The following ADAMTSL3 variants were observed in gnomAD, a reference collection of about 807,000 sequenced individuals.
ADAMTSL3 encodes the protein ADAMTS like 3.
In ADAMTSL3, 128 loss-of-function variants were observed where a neutral mutation model predicts 201.7. That is an observed-to-expected ratio of 0.63 (90% CI 0.55 to 0.73). ADAMTSL3 has a LOEUF of 0.73. ADAMTSL3 is among the 30% of genes least tolerant of loss of function. The probability of loss-of-function intolerance (pLI) is 0.00; values close to 1 mark genes in which losing one functional copy is unlikely to be tolerated. For missense variants in ADAMTSL3, 1,990 were observed against 2,119.6 expected (o/e 0.94, Z 1.20); for synonymous variants, 738 against 748.4 (o/e 0.99, Z 0.23).
intron 3 of ADAMTSL3, among the ~76,000 whole-genome samples, chr15:83,743,552 C>T (rs2062493317): frequency 1.3e-5 from 2 of 149,148 alleles, no homozygotes; most frequent in Admixed American, 1.3e-4. Context: ...AGTGTGCTTT[C>T]CCTTGCCTTT....
intron 2 of ADAMTSL3, among the ~76,000 whole-genome samples, 191 bp from the exon 3 acceptor site, chr15:83,704,198 A>G (rs1478924919): frequency 6.6e-6 from 1 of 152,140 alleles, no homozygotes; most frequent in Admixed American, 6.5e-5. Context: ...CCACTGTGAT[A>G]TCCTGGCCTA....
chr15:83,891,161 C>A, intron 11 of ADAMTSL3, 168 bp from the exon 12 acceptor site: 1 of 551,732 alleles, frequency 1.8e-6, no homozygotes, highest in South Asian at 2.6e-5. Context: ...TTCTTGACAA[C>A]TAAAGAGATG....
chr15:83,713,915 C>T (rs1159911296), intron 3 of ADAMTSL3, among the ~76,000 whole-genome samples: 1 of 152,124 alleles, frequency 6.6e-6, no homozygotes, highest in Non-Finnish European at 1.5e-5. Context: ...ACACCTTTGC[C>T]TGCTCATGCT....
chr15:83,763,479 C>T (rs560900247), intron 3 of ADAMTSL3, among the ~76,000 whole-genome samples: 4 of 148,744 alleles, frequency 2.7e-5, no homozygotes, highest in South Asian at 4.3e-4. Flanking sequence ...GTGAAATCTT[C>T]GTATATTTAA....
At chr15:83,847,643 G>A (rs1192167444) in intron 7 of ADAMTSL3, among the ~76,000 whole-genome samples, 6 of 151,856 alleles carry the variant, frequency 4.0e-5, no homozygotes, top group Non-Finnish European at 5.9e-5. Flanking sequence ...TTACAGTCAC[G>A]TGCCACCATG....
chr15:83,942,523 G>A lies in ADAMTSL3; in HGVS notation c.2118-73G>A, dbSNP rs146925851. On this transcript the variant is annotated intron_variant, in intron 17 of 29. Coordinates refer to ENST00000286744, the MANE Select transcript of ADAMTSL3 (RefSeq NM_207517.3). ...CTGGAAGCCCAGAGGAGAGCTTCAC[G>A]TTGTTCATGCTCTGATGGTTGCACG... The A allele has an allele frequency of 3.1e-5, 44 of 1,431,090 alleles. No homozygotes were observed. In the African/African-American group the frequency reaches 3.1e-4, roughly 10 times the overall value. 88.6% of individuals were successfully genotyped at this position (1,431,090 alleles called of 1,614,324 possible).
chr15:83,923,786 C>T, intron 16 of ADAMTSL3, 118 bp from the exon 17 acceptor site: 1 of 1,226,808 alleles, frequency 8.2e-7, no homozygotes, highest in Non-Finnish European at 1.1e-6. Context: ...CAGCCTGCAG[C>T]CCTATGATAG....
chr15:83,823,664 C>T (rs73439428), intron 6 of ADAMTSL3, among the ~76,000 whole-genome samples: 2,415 of 152,310 alleles, frequency 0.016, 73 homozygotes, highest in African/African-American at 0.054. Context: ...GTTCTGTTCT[C>T]CGAGCTCCCA....
intron 7 of ADAMTSL3, among the ~76,000 whole-genome samples, chr15:83,848,072 G>T (rs2064537751): frequency 6.6e-6 from 1 of 150,980 alleles, no homozygotes; most frequent in Non-Finnish European, 1.5e-5. Flanking sequence ...CTAAATAGCA[G>T]AAGGAGAAAA....
chr15:83,993,102 C>T (rs1014032497), intron 23 of ADAMTSL3, among the ~76,000 whole-genome samples: 1 of 152,232 alleles, frequency 6.6e-6, no homozygotes. Context: ...TTTAAACAAA[C>T]CTGTAGTGAA....
chr15:83,801,667 T>TAA (rs1567154117), intron 4 of ADAMTSL3, among the ~76,000 whole-genome samples: 5 of 61,550 alleles, frequency 8.1e-5, no homozygotes, highest in African/African-American at 2.0e-4. Context: ...TATATATATA[T>TAA]ATATATATAT....
chr15:83,748,280 C>G (rs1313954325), intron 3 of ADAMTSL3, among the ~76,000 whole-genome samples: 1 of 152,100 alleles, frequency 6.6e-6, no homozygotes. Context: ...TTGGTTACAT[C>G]TTCATTATCA....
At chr15:83,717,804 C>T (rs1248118281) in intron 3 of ADAMTSL3, among the ~76,000 whole-genome samples, 4 of 152,138 alleles carry the variant, frequency 2.6e-5, no homozygotes, top group Non-Finnish European at 5.9e-5. Context: ...CACTGAAGGT[C>T]AGTATATCCA....
intron 2 of ADAMTSL3, among the ~76,000 whole-genome samples, chr15:83,691,616 T>C (rs2061609394): frequency 6.6e-6 from 1 of 152,224 alleles, no homozygotes; most frequent in South Asian, 2.1e-4. Flanking sequence ...TTTCTTTTCT[T>C]CGTTTATTTA....
chr15:83,862,852 A>C (rs891682316), intron 8 of ADAMTSL3: 3 of 152,218 alleles, frequency 2.0e-5, no homozygotes, highest in African/African-American at 7.2e-5. Flanking sequence ...AAGACCTATC[A>C]GTGTGCTGTA....
At position 83,810,897 on chromosome 15, in the gene ADAMTSL3, C is replaced by A. The variant is rs148172948; in HGVS notation, c.363+6202C>A. Among the ~76,000 whole-genome samples, 156 of 152,228 alleles carry A rather than the reference C, an allele frequency of 1.0e-3. 1 individual carries two copies. The highest frequency in any genetic ancestry group is 3.4e-3 in the Middle Eastern group (1 of 294). On this transcript the variant is annotated intron_variant, in intron 5 of 29. Coordinates refer to ENST00000286744, the MANE Select transcript of ADAMTSL3 (RefSeq NM_207517.3). ...GGGATTACAGATGCTAACCAGAATGCCCAGCTAATTTTTGTATTTTTAGTA... is the reference window on the plus strand; with the variant it reads ...GGGATTACAGATGCTAACCAGAATGACCAGCTAATTTTTGTATTTTTAGTA...
At chr15:83,927,933 TAC>T (rs1180509973) in intron 17 of ADAMTSL3, among the ~76,000 whole-genome samples, 2 of 151,942 alleles carry the variant, frequency 1.3e-5, no homozygotes, top group Non-Finnish European at 2.9e-5. Context: ...GTTTCGAATT[TAC>T]ACAGACTTAA....
intron 23 of ADAMTSL3, among the ~76,000 whole-genome samples, chr15:84,007,945 G>C (rs772169487): frequency 9.9e-5 from 15 of 152,140 alleles, no homozygotes; most frequent in Admixed American, 2.0e-4. Flanking sequence ...TTATAGCAAA[G>C]TGCCTCAAGA....
intron 6 of ADAMTSL3, among the ~76,000 whole-genome samples, chr15:83,836,185 C>T (rs1442359242): frequency 6.6e-6 from 1 of 152,038 alleles, no homozygotes; most frequent in African/African-American, 2.4e-5. Flanking sequence ...GCTACTCATC[C>T]AATAATTTAA....
Sources: allele counts gnomAD v4.1 joint callset (sites outside exome capture counted in the v4.1 genomes callset), GRCh38; gene constraint gnomAD v4.1.1; transcripts MANE v1.5; gene names NCBI Gene and HGNC (gene_info 2026-07-23, HGNC 2026-07-21).